KMT2B: variants seen among roughly 807,000 people sequenced by gnomAD.
The protein encoded by KMT2B is histone-lysine N-methyltransferase 2B.
Under a neutral mutation model 255.3 loss-of-function variants are expected in KMT2B, and 22 were observed. The observed-to-expected ratio is 0.09, with a 90% CI of 0.06 to 0.12. The LOEUF (loss-of-function observed/expected upper bound fraction) is 0.12, where lower values mean the gene tolerates loss of function less well. KMT2B is among the 10% of genes least tolerant of loss of function. The probability of loss-of-function intolerance (pLI) is 1.00; values close to 1 mark genes in which losing one functional copy is unlikely to be tolerated. For missense variants in KMT2B, 3,149 were observed against 3,737.0 expected (o/e 0.84, Z 4.10); for synonymous variants, 1,730 against 1,498.1 (o/e 1.15, Z -3.57).
At chr19:35,722,526 G>A (rs375266669) in intron 4 of KMT2B, 42 bp from the exon 5 acceptor site, 85 of 1,591,968 alleles carry the variant, frequency 5.3e-5, no homozygotes, top group Middle Eastern at 1.7e-4. Context: ...GTGGGGCTGC[G>A]GGAGCGCAAG....
intron 23 of KMT2B, 70 bp downstream of exon 23, chr19:35,730,195 GC>G: frequency 6.2e-7 from 1 of 1,604,756 alleles, no homozygotes; most frequent in Non-Finnish European, 8.5e-7. Context: ...GACCCCCGTG[GC>G]CCCCAGGCCT....
rs1454911801 is a variant in KMT2B at position 35,738,105 on chromosome 19, G to C, written c.7786G>C (p.Asp2596His). 1 of 1,613,692 alleles carries C rather than the reference G, an allele frequency of 6.2e-7. No homozygotes were observed. The highest frequency in any genetic ancestry group is 8.5e-7 in the Non-Finnish European group (1 of 1,179,882). Residue 2596 changes from aspartate (D) to histidine (H), a missense_variant, in exon 36 of 37, where the codon GAC becomes CAC. By Grantham distance (81) the Asp-to-His change is moderately conservative. Coordinates refer to ENST00000420124, the MANE Select transcript of KMT2B (RefSeq NM_014727.3). This position sits in a 1 kb window ranked among gnomAD's most constrained non-coding sequence, Gnocchi z 8.7. ...AGGCCTGTTCTGTAAGCGCAACATC[G>C]ACGCGGGGGAGATGGTCATCGAGTA... Reference protein sequence around the residue: ...GRGLFCKRNIDAGEMVIEYSG... With the variant: ...GRGLFCKRNIHAGEMVIEYSG...
chr19:35,730,633 A>C lies in KMT2B; in HGVS notation c.5276+17A>C. On this transcript the variant is annotated intron_variant, in intron 25 of 36. Transcript: ENST00000420124. ...TGGCTACCAGTGAGCGGTCGGGGTG[A>C]TCCATGGGGCCAGGGGACTCCATAG... is the stretch of plus-strand genomic sequence containing the variant. 6.2e-7 allele frequency: 1 copy of C among 1,613,848 alleles called. No individual in the cohort carries two copies. Among genetic ancestry groups the C allele is most frequent in the Non-Finnish European group, 8.5e-7 (1 of 1,179,846 alleles).
chr19:35,719,710 CT>C, intron 2 of KMT2B, 73 bp from the exon 3 acceptor site: 1 of 1,533,062 alleles, frequency 6.5e-7, no homozygotes, highest in Admixed American at 2.0e-5. Context: ...GACTTAGTCC[CT>C]GCCCTCCTGG....
Position 35,723,565 on chromosome 19 carries a change from C to A in KMT2B, c.3058+63C>A. ...GTTAGAGTTTGTGCTGTGGAGGGAG[C>A]TGTTTTTCTTTGCTCTCCTCCCTTG... On this transcript the variant is annotated intron_variant, in intron 7 of 36. Coordinates refer to ENST00000420124, the MANE Select transcript of KMT2B (RefSeq NM_014727.3). This position sits in a 1 kb window ranked among gnomAD's most constrained non-coding sequence, Gnocchi z 7.5. 6.8e-7 allele frequency: 1 copy of A among 1,463,938 alleles called. No homozygotes were observed. Among genetic ancestry groups the A allele is most frequent in the East Asian group, 2.5e-5 (1 of 40,258 alleles). The allele number at this position is 1,463,938 out of a possible 1,614,324, so 90.7% of individuals were successfully genotyped here. A position where few individuals can be genotyped will look rare whatever the true frequency, so the allele number is the denominator to read the frequency against.
intron 13 of KMT2B, 135 bp from the exon 14 acceptor site, chr19:35,726,101 C>T: frequency 1.4e-6 from 1 of 702,844 alleles, no homozygotes; most frequent in Non-Finnish European, 2.6e-6. Flanking sequence ...CCGTGTCTGT[C>T]CTGCGTGTTT....
intron 9 of KMT2B, 48 bp from the exon 10 acceptor site, chr19:35,724,941 A>G (rs939580755): frequency 7.2e-7 from 1 of 1,383,126 alleles, no homozygotes; most frequent in Non-Finnish European, 1.0e-6. Flanking sequence ...AGGAGTCTGC[A>G]TCACGGCCAG....
rs371651934 is a variant in KMT2B at position 35,722,948 on chromosome 19, C to T, written c.2723-47C>T. ...GAAAGCAGGGAAGTGAGGTAGAAGC[C>T]TGGTGGCTTTGTGGCTCCATCCCCT... On this transcript the variant is annotated intron_variant, in intron 5 of 36. Coordinates refer to ENST00000420124, the MANE Select transcript of KMT2B (RefSeq NM_014727.3). The T allele has an allele frequency of 8.7e-4, 1,290 of 1,490,744 alleles. 2 individuals carry two copies. The highest frequency in any genetic ancestry group is 1.1e-3 in the Non-Finnish European group (1,205 of 1,118,292). 92.3% of individuals were successfully genotyped at this position (1,490,744 alleles called of 1,614,324 possible). A position where few individuals can be genotyped will look rare whatever the true frequency, so the allele number is the denominator to read the frequency against.
In KMT2B at chr19:35,733,251, GC is replaced by G; in HGVS notation, c.6707del (p.Pro2236GlnfsTer25). The G allele has an allele frequency of 6.8e-6, 10 of 1,460,700 alleles. No homozygotes were observed. The highest frequency in any genetic ancestry group is 8.3e-6 in the Non-Finnish European group (9 of 1,078,072). The allele number at this position is 1,460,700 out of a possible 1,614,324, so 90.5% of individuals were successfully genotyped here. ...SPTAPTSWTL[P>X]PGPLLGVLPV... is the part of the protein sequence containing the mutation. ...CCACGGCTCCCACCTCCTGGACTCTGCCCCCAGGCCCCCTCCTCGGCGTGCT... is the reference window on the plus strand; with the variant it reads ...CCACGGCTCCCACCTCCTGGACTCTGCCCCAGGCCCCCTCCTCGGCGTGCT... On this transcript the variant is annotated frameshift_variant, in exon 28 of 37. Transcript: ENST00000420124. LOFTEE classifies it high-confidence loss of function. The surrounding 1 kb of genome is among the most constrained non-coding windows in gnomAD (Gnocchi z 4.3).
In KMT2B at chr19:35,737,767, GGGT is replaced by G. The variant is rs760187298; in HGVS notation, c.7658+31_7658+33del. 2 of 1,554,184 alleles carry G rather than the reference GGGT, an allele frequency of 1.3e-6. No individual in the cohort carries two copies. The highest frequency in any genetic ancestry group is 2.4e-5 in the South Asian group (2 of 84,538). On this transcript the variant is annotated intron_variant, in intron 34 of 36. Transcript: ENST00000420124. The surrounding 1 kb of genome is among the most constrained non-coding windows in gnomAD (Gnocchi z 5.3). ...AGGTATGGAGTGTGAGCTGGGGGGC[GGGT>G]GGTGGTCTGGAAGGGTCTTAGAGAG...
chr19:35,732,861 GCCT>G lies in KMT2B; in HGVS notation c.6316_6318del (p.Pro2106del). The G allele has an allele frequency of 1.2e-6, 2 of 1,609,730 alleles. No individual in the cohort carries two copies. Among genetic ancestry groups the G allele is most frequent in the Non-Finnish European group, 1.7e-6 (2 of 1,178,630 alleles). Reference sequence around the variant, plus strand: ...TTGGGGCTGCAGGGGACAGGGCCCGGCCTCCTGAGGACCTGCCATCGGAAATTG... The same window carrying G: ...TTGGGGCTGCAGGGGACAGGGCCCGGCCTGAGGACCTGCCATCGGAAATTG... On this transcript the variant is annotated inframe_deletion, in exon 28 of 37. Coordinates refer to ENST00000420124, the MANE Select transcript of KMT2B (RefSeq NM_014727.3).
chr19:35,730,290 A>G, intron 23 of KMT2B, 52 bp from the exon 24 acceptor site: 2 of 1,605,546 alleles, frequency 1.2e-6, no homozygotes, highest in Non-Finnish European at 1.7e-6. Context: ...CTTCCCTGGC[A>G]TCCACCTCCC....
Position 35,738,182 on chromosome 19 carries a change from C to T in KMT2B, c.7863C>T (p.Tyr2621=), listed in dbSNP as rs1473007991. ...TGACTGACAAGCGGGAGAAGTTCTA[C>T]GATGGGAAGGTGGGCTCCCAGTGGC... is the stretch of plus-strand genomic sequence containing the variant. The part of the protein sequence containing the change: ...SVLTDKREKF[Y]DGKGIGCYMF... Residue 2621 remains tyrosine, a synonymous_variant, in exon 36 of 37, where the codon TAC becomes TAT. Coordinates refer to ENST00000420124, the MANE Select transcript of KMT2B (RefSeq NM_014727.3). This position sits in a 1 kb window ranked among gnomAD's most constrained non-coding sequence, Gnocchi z 8.7. 21 of 1,613,660 alleles carry T rather than the reference C, an allele frequency of 1.3e-5. No individual in the cohort carries two copies. The highest frequency in any genetic ancestry group is 6.7e-5 in the East Asian group (3 of 44,866).
At position 35,719,378 on chromosome 19, in the gene KMT2B, G is replaced by A. The variant is rs1599667369; in HGVS notation, c.364-91G>A. 109 of 899,652 alleles carry A rather than the reference G, an allele frequency of 1.2e-4. 5 individuals are homozygous for A. In the South Asian group the frequency reaches 1.7e-3, roughly 14 times the overall value. 55.7% of individuals were successfully genotyped at this position (899,652 alleles called of 1,614,324 possible). On this transcript the variant is annotated intron_variant, in intron 1 of 36. Coordinates refer to ENST00000420124, the MANE Select transcript of KMT2B (RefSeq NM_014727.3). ...TAAATAGGCAGGGGTATGCTAAGTG[G>A]GAACTGGGGATATTCCTCGATACCT...
intron 21 of KMT2B, 30 bp downstream of exon 21, chr19:35,729,106 G>T: frequency 6.2e-7 from 1 of 1,613,994 alleles, no homozygotes; most frequent in Non-Finnish European, 8.5e-7. Flanking sequence ...GCACCAGGTT[G>T]TGGGGCCTGT....
In KMT2B at chr19:35,724,810, C is replaced by T. The variant is rs996879032; in HGVS notation, c.3429+79C>T. The T allele has an allele frequency of 2.2e-5, 29 of 1,309,228 alleles. No homozygotes were observed. The South Asian group carries it at 3.0e-4, about 14-fold the overall frequency. The allele number at this position is 1,309,228 out of a possible 1,614,324, so 81.1% of individuals were successfully genotyped here. ...CAGAGTGACAGACACACCTGAGTGT[C>T]GTGGTGTGTCCACATGAGAGGACAG... On this transcript the variant is annotated intron_variant, in intron 9 of 36. Transcript: ENST00000420124.
Position 35,722,353 on chromosome 19 carries a change from T to C in KMT2B, c.2458-6T>C, listed in dbSNP as rs751421465. The stretch of plus-strand genomic sequence containing the variant: ...CCAGCCCCTGACCCTGTTTATTCCC[T>C]GCCAGCTGAGCCCTGGAGGGCAGAT... On this transcript the variant is annotated splice_region_variant and splice_polypyrimidine_tract_variant and intron_variant, in intron 3 of 36. Transcript: ENST00000420124. 10 of 1,604,694 alleles carry C rather than the reference T, an allele frequency of 6.2e-6. No individual in the cohort carries two copies. Among genetic ancestry groups the C allele is most frequent in the Non-Finnish European group, 8.5e-6 (10 of 1,177,766 alleles).
chr19:35,718,829 A>G lies in KMT2B; in HGVS notation c.363+448A>G, dbSNP rs1969064873. On this transcript the variant is annotated intron_variant, in intron 1 of 36. Coordinates refer to ENST00000420124, the MANE Select transcript of KMT2B (RefSeq NM_014727.3). The surrounding 1 kb of genome is among the most constrained non-coding windows in gnomAD (Gnocchi z 5.0). Reference sequence around the variant, plus strand: ...CTCCAGGGCCCCAGTTTCTCTTGGCATCTCAGGTAGAGTGGTGGAGGGCTT... The same window carrying G: ...CTCCAGGGCCCCAGTTTCTCTTGGCGTCTCAGGTAGAGTGGTGGAGGGCTT... Among the ~76,000 whole-genome samples, 1 of 152,102 alleles carries G rather than the reference A, an allele frequency of 6.6e-6. No homozygotes were observed. Among genetic ancestry groups the G allele is most frequent in the Non-Finnish European group, 1.5e-5 (1 of 68,020 alleles).
rs141894666 is a variant in KMT2B at position 35,732,172 on chromosome 19, G to A, written c.5665+37G>A. The A allele has an allele frequency of 3.0e-3, 4,680 of 1,567,372 alleles. 14 individuals carry two copies. Among genetic ancestry groups the A allele is most frequent in the Middle Eastern group, 5.3e-3 (32 of 6,002 alleles). On this transcript the variant is annotated intron_variant, in intron 27 of 36. Coordinates refer to ENST00000420124, the MANE Select transcript of KMT2B (RefSeq NM_014727.3). The stretch of plus-strand genomic sequence containing the variant: ...GCATGTGGGGGTTGGGGGTGGAGCC[G>A]CGGAGGTGGGAGCTGCTGGTAACAC...
Sources: allele counts gnomAD v4.1 joint callset (sites outside exome capture counted in the v4.1 genomes callset), GRCh38; gene constraint gnomAD v4.1.1; non-coding constraint Gnocchi (gnomAD v3.1); transcripts MANE v1.5; gene names NCBI Gene and HGNC (gene_info 2026-07-23, HGNC 2026-07-21).